The following OSBPL6 variants were observed in gnomAD, a reference collection of about 807,000 sequenced individuals.
The protein encoded by OSBPL6 is oxysterol binding protein like 6, also known as oxysterol-binding protein-related protein 6.
In OSBPL6, 49 loss-of-function variants were observed where a neutral mutation model predicts 125.8. The ratio of observed to expected loss-of-function variants is 0.39; its 90% confidence interval spans 0.31 to 0.49. The LOEUF (loss-of-function observed/expected upper bound fraction) is 0.49. OSBPL6 is among the 20% of genes least tolerant of loss of function. The probability of loss-of-function intolerance (pLI) is 0.88; values close to 1 mark genes in which losing one functional copy is unlikely to be tolerated. For missense variants in OSBPL6, 986 were observed against 1,135.4 expected, an observed-to-expected ratio of 0.87 and a Z score of 1.89; for synonymous variants, 394 against 391.8, an observed-to-expected ratio of 1.01 and a Z score of -0.07.
chr2:178,200,454 G>A (rs2153934519), intron 1 of OSBPL6, among the ~76,000 whole-genome samples: 1 of 152,000 alleles, frequency 6.6e-6, no homozygotes, highest in Middle Eastern at 3.4e-3. Flanking sequence ...GTTTCACCAT[G>A]TTGGCCAGAC....
At chr2:178,362,257 T>G (rs1692425479) in intron 13 of OSBPL6, among the ~76,000 whole-genome samples, 1 of 152,232 alleles carries the variant, frequency 6.6e-6, no homozygotes, top group African/African-American at 2.4e-5. Context: ...TTAAAATTAC[T>G]GATTACTATC....
intron 21 of OSBPL6, among the ~76,000 whole-genome samples, chr2:178,389,526 C>T (rs573780120): frequency 1.3e-5 from 2 of 152,254 alleles, no homozygotes; most frequent in African/African-American, 2.4e-5. Context: ...ATCTGAATTT[C>T]GGGAACTCAT....
intron 2 of OSBPL6, among the ~76,000 whole-genome samples, chr2:178,298,043 A>T (rs1231459005): frequency 6.6e-6 from 1 of 152,178 alleles, no homozygotes; most frequent in African/African-American, 2.4e-5. Context: ...AGACCCTGAT[A>T]ACCACCATTC....
intron 1 of OSBPL6, among the ~76,000 whole-genome samples, chr2:178,243,677 G>A (rs1479462659): frequency 6.6e-6 from 1 of 152,054 alleles, no homozygotes; most frequent in Admixed American, 6.6e-5. Context: ...GTTTTGAGAC[G>A]GAGTCTTGCT....
intron 1 of OSBPL6, among the ~76,000 whole-genome samples, chr2:178,219,512 A>G (rs765978617): frequency 9.2e-5 from 14 of 152,190 alleles, no homozygotes; most frequent in Non-Finnish European, 1.9e-4. Flanking sequence ...CATGAGAATC[A>G]ATGAGGAGCC....
intron 24 of OSBPL6, 91 bp downstream of exon 24, chr2:178,394,526 T>A: frequency 7.0e-7 from 1 of 1,425,666 alleles, no homozygotes; most frequent in Non-Finnish European, 9.5e-7. Flanking sequence ...ATAAAATGGG[T>A]AAATGGATTT....
chr2:178,303,752 T>C (rs1438686955), intron 2 of OSBPL6, among the ~76,000 whole-genome samples: 1 of 152,142 alleles, frequency 6.6e-6, no homozygotes, highest in African/African-American at 2.4e-5. Context: ...GCCAGAGACC[T>C]GAGATTTAGC....
intron 15 of OSBPL6, among the ~76,000 whole-genome samples, chr2:178,375,834 C>T (rs982748508): frequency 6.6e-6 from 1 of 152,186 alleles, no homozygotes; most frequent in Non-Finnish European, 1.5e-5. Flanking sequence ...ATTTCCAAGT[C>T]CCTGGGGCAC....
intron 15 of OSBPL6, among the ~76,000 whole-genome samples, chr2:178,377,928 A>T (rs1241988325): frequency 6.6e-6 from 1 of 152,150 alleles, no homozygotes; most frequent in Non-Finnish European, 1.5e-5. Context: ...TCCTGGGTTC[A>T]AGCAAGTCTC....
chr2:178,255,970 G>A (rs1423094059), intron 1 of OSBPL6, among the ~76,000 whole-genome samples: 1 of 152,178 alleles, frequency 6.6e-6, no homozygotes, highest in African/African-American at 2.4e-5. Context: ...CTTGATAACT[G>A]ATTTCTGTGC....
At chr2:178,380,655 C>T (rs1332224190) in intron 15 of OSBPL6, among the ~76,000 whole-genome samples, 1 of 151,808 alleles carries the variant, frequency 6.6e-6, no homozygotes, top group African/African-American at 2.4e-5. Context: ...CAAAGTGACC[C>T]ATCTGATCTA....
intron 18 of OSBPL6, among the ~76,000 whole-genome samples, chr2:178,385,042 A>T (rs1011851825): frequency 6.6e-6 from 1 of 152,190 alleles, no homozygotes; most frequent in African/African-American, 2.4e-5. Context: ...CAATGAGAAC[A>T]CATGCACACA....
chr2:178,273,563 A>G (rs952654426), intron 1 of OSBPL6, among the ~76,000 whole-genome samples: 1 of 152,006 alleles, frequency 6.6e-6, no homozygotes, highest in African/African-American at 2.4e-5. Context: ...CTGGGTGACA[A>G]AGTGATACCC....
At chr2:178,270,150 G>A (rs2092344735) in intron 1 of OSBPL6, among the ~76,000 whole-genome samples, 1 of 152,118 alleles carries the variant, frequency 6.6e-6, no homozygotes, top group Non-Finnish European at 1.5e-5. Context: ...GCTCAGGACA[G>A]GTCTGCACCA....
At chr2:178,336,457 T>C (rs1441142986) in intron 9 of OSBPL6, 24 bp downstream of exon 9, 1 of 1,610,796 alleles carries the variant, frequency 6.2e-7, no homozygotes, top group African/African-American at 1.3e-5. Context: ...CAGTGTGGCC[T>C]GAGAGTAAGC....
At chr2:178,345,112 T>C (rs935893945) in intron 11 of OSBPL6, among the ~76,000 whole-genome samples, 2 of 152,138 alleles carry the variant, frequency 1.3e-5, no homozygotes, top group African/African-American at 4.8e-5. Context: ...ACACAAGAAC[T>C]CCTTGCTGGA....
intron 1 of OSBPL6, among the ~76,000 whole-genome samples, chr2:178,219,428 A>G (rs1479896796): frequency 6.6e-6 from 1 of 152,220 alleles, no homozygotes; most frequent in Non-Finnish European, 1.5e-5. Flanking sequence ...TAATCCTACT[A>G]TCTGGCCTAA....
chr2:178,356,969 A>G (rs1055097571), intron 12 of OSBPL6, among the ~76,000 whole-genome samples: 28 of 152,366 alleles, frequency 1.8e-4, no homozygotes, highest in Non-Finnish European at 3.1e-4. Flanking sequence ...GACAAACCTG[A>G]CAAAAACAAG....
intron 1 of OSBPL6, among the ~76,000 whole-genome samples, chr2:178,251,845 C>G (rs2091707599): frequency 6.6e-6 from 1 of 152,192 alleles, no homozygotes; most frequent in South Asian, 2.1e-4. Context: ...CAGCAGCAAT[C>G]CTGCGCATGT....
Sources: allele counts gnomAD v4.1 joint callset (sites outside exome capture counted in the v4.1 genomes callset), GRCh38; gene constraint gnomAD v4.1.1; transcripts MANE v1.5; gene names NCBI Gene and HGNC (gene_info 2026-07-23, HGNC 2026-07-21).